LRP1: variants seen among roughly 807,000 people sequenced by gnomAD.
The protein encoded by LRP1 is prolow-density lipoprotein receptor-related protein 1.
In LRP1, 51 loss-of-function variants were observed where a neutral mutation model predicts 541.5. That is an observed-to-expected ratio of 0.09 (90% CI 0.08 to 0.12). The LOEUF (loss-of-function observed/expected upper bound fraction) is 0.12, where lower values mean the gene tolerates loss of function less well. Among genes scored for constraint, LRP1 ranks in the 10% least tolerant of loss-of-function variants. The pLI is 1.00. For synonymous variants in LRP1, 2,219 were observed against 2,470.8 expected, an observed-to-expected ratio of 0.90 and a Z score of 3.02; for missense variants, 3,878 against 6,376.2, an observed-to-expected ratio of 0.61 and a Z score of 13.34.
intron 3 of LRP1, 64 bp from the exon 4 acceptor site, chr12:57,143,615 T>C (rs2035340513): frequency 6.3e-7 from 1 of 1,575,918 alleles, no homozygotes; most frequent in African/African-American, 1.3e-5. Context: ...AGGGGAAGGT[T>C]GTGGCCTGCG....
chr12:57,139,385 C>G (rs892020200), intron 2 of LRP1, among the ~76,000 whole-genome samples: 1 of 152,082 alleles, frequency 6.6e-6, no homozygotes, highest in Non-Finnish European at 1.5e-5. Context: ...CTAGTGGGCT[C>G]TGCCTCACCC....
chr12:57,138,404 TCA>T, intron 1 of LRP1, 53 bp from the exon 2 acceptor site: 2 of 1,599,018 alleles, frequency 1.3e-6, no homozygotes, highest in East Asian at 4.5e-5. Context: ...GACTTTGGGT[TCA>T]CAGAGTTGGC....
In LRP1 at chr12:57,205,201, A is replaced by G. The variant is rs761767384; in HGVS notation, c.11287A>G (p.Met3763Val). Residue 3763 changes from methionine to valine, a missense_variant, in exon 73 of 89, where the codon ATG becomes GTG. Met to Val is a conservative substitution (Grantham distance 21). Transcript: ENST00000243077. The surrounding 1 kb of genome is among the most constrained non-coding windows in gnomAD (Gnocchi z 4.6). The stretch of plus-strand genomic sequence containing the variant: ...CCTCTCCTCCTCCCTGCGCTGCAAC[A>G]TGTTCGATGACTGCGGGGACGGCTC... The part of the protein sequence containing the change: ...RCLSSSLRCN[M>V]FDDCGDGSDE... 6.2e-7 allele frequency: 1 copy of G among 1,613,836 alleles called. No homozygotes were observed. The highest frequency in any genetic ancestry group is 8.5e-7 in the Non-Finnish European group (1 of 1,179,982).
chr12:57,209,958 G>A (rs2036870784), intron 80 of LRP1, 71 bp from the exon 81 acceptor site: 2 of 1,587,264 alleles, frequency 1.3e-6, no homozygotes, highest in Admixed American at 1.7e-5. Context: ...TGGAGAGGGG[G>A]TCACCCTGGG....
chr12:57,140,113 T>C (rs901338719), intron 2 of LRP1, among the ~76,000 whole-genome samples: 1 of 152,138 alleles, frequency 6.6e-6, no homozygotes, highest in Non-Finnish European at 1.5e-5. Context: ...TTTTTTTTTT[T>C]CTTTTTTTGA....
Position 57,201,255 on chromosome 12 carries a change from T to C in LRP1, c.10345+102T>C. 3.3e-6 allele frequency: 5 copies of C among 1,538,144 alleles called. No homozygotes were observed. The highest frequency in any genetic ancestry group is 4.4e-6 in the Non-Finnish European group (5 of 1,124,770). On this transcript the variant is annotated intron_variant, in intron 65 of 88. Coordinates refer to ENST00000243077, the MANE Select transcript of LRP1 (RefSeq NM_002332.3). This position sits in a 1 kb window ranked among gnomAD's most constrained non-coding sequence, Gnocchi z 6.4. ...TTGAGAGGCTCTCAAATAACTTTAG[T>C]AGATGGGCAACACAAATTATATTGG...
Position 57,213,296 on chromosome 12 carries a change from T to G in LRP1, c.*741T>G, listed in dbSNP as rs1264127343. 7.9e-6 allele frequency: 1 copy of G among 126,694 alleles called. No homozygotes were observed. Among genetic ancestry groups the G allele is most frequent in the Non-Finnish European group, 1.6e-5 (1 of 64,478 alleles). 7.8% of individuals were successfully genotyped at this position (126,694 alleles called of 1,614,324 possible). A position where few individuals can be genotyped will look rare whatever the true frequency, so the allele number is the denominator to read the frequency against. The stretch of plus-strand genomic sequence containing the variant: ...AACGTTTTAATAATTTTTGCTGAAT[T>G]CCTTTACAACTAAATAACACAGATA... On this transcript the variant is annotated 3_prime_UTR_variant, in exon 89 of 89. Transcript: ENST00000243077.
At chr12:57,169,639 A>G (rs2035907334) in intron 20 of LRP1, among the ~76,000 whole-genome samples, 1 of 152,240 alleles carries the variant, frequency 6.6e-6, no homozygotes, top group Non-Finnish European at 1.5e-5. Flanking sequence ...AAGTGGGGTA[A>G]TAATAGCACC....
Position 57,166,192 on chromosome 12 carries a change from C to T in LRP1, c.2780C>T (p.Ser927Phe). ...GACTGTGGGAACAGTGAAGATGAGT[C>T]CAATGCCACTTGTTCAGGTGTGGAG... ...DNDCGNSEDE[S>F]NATCSARTCP... Residue 927 changes from serine (S) to phenylalanine (F), a missense_variant, in exon 17 of 89, where the codon TCC becomes TTC. Transcript: ENST00000243077. 6.2e-7 allele frequency: 1 copy of T among 1,611,774 alleles called. No homozygotes were observed. The highest frequency in any genetic ancestry group is 8.5e-7 in the Non-Finnish European group (1 of 1,178,976).
At chr12:57,174,722 G>T (rs2036010065) in intron 22 of LRP1, among the ~76,000 whole-genome samples, 1 of 152,180 alleles carries the variant, frequency 6.6e-6, no homozygotes, top group Non-Finnish European at 1.5e-5. Flanking sequence ...CCAACATCCT[G>T]CCACTGCACT....
At position 57,169,519 on chromosome 12, in the gene LRP1, C is replaced by T. The variant is rs34127681; in HGVS notation, c.3163+212C>T. 3.9e-3 allele frequency among the ~76,000 whole-genome samples: 594 copies of T among 152,316 alleles called. 2 individuals are homozygous for T. Among genetic ancestry groups the T allele is most frequent in the African/African-American group, 0.014 (565 of 41,556 alleles). On this transcript the variant is annotated intron_variant, in intron 20 of 88. Coordinates refer to ENST00000243077, the MANE Select transcript of LRP1 (RefSeq NM_002332.3). Reference sequence around the variant, plus strand: ...ATTGCCACACGCTGTTAATATCATGCGCTTTGCAGTTGGTGGCCTTGGGTT... The same window carrying T: ...ATTGCCACACGCTGTTAATATCATGTGCTTTGCAGTTGGTGGCCTTGGGTT...
chr12:57,206,780 C>T lies in LRP1; in HGVS notation c.11859+39C>T, dbSNP rs754848274. 3 of 1,598,978 alleles carry T rather than the reference C, an allele frequency of 1.9e-6. No individual in the cohort carries two copies. The African/African-American group carries it at 4.0e-5, about 21-fold the overall frequency. ...CTGGCGTGGATGGAGTGGAAGAGCT[C>T]CATAGAGCAGGCGGTTCAGAGCAGG... On this transcript the variant is annotated intron_variant, in intron 76 of 88. Transcript: ENST00000243077. This position sits in a 1 kb window ranked among gnomAD's most constrained non-coding sequence, Gnocchi z 4.7.
intron 82 of LRP1, 28 bp downstream of exon 82, chr12:57,210,508 C>T (rs1435691434): frequency 1.3e-6 from 2 of 1,517,950 alleles, no homozygotes; most frequent in Admixed American, 2.1e-5. Flanking sequence ...GCCACGCCTG[C>T]TCCTTGCCCC....
rs771640186 is a variant in LRP1 at position 57,183,887 on chromosome 12, C to T, written c.5907C>T (p.Gly1969=). The change falls in exon 36 of 89, where the codon GGC becomes GGT. Residue 1969 remains glycine (G), a synonymous_variant. Transcript: ENST00000243077. The surrounding 1 kb of genome is among the most constrained non-coding windows in gnomAD (Gnocchi z 6.1). ...CCAATGGCATTGGCCGTGTGGAGGG[C>T]ATTGCAGTGGACTGGATCGCAGGTG... ...VVTNGIGRVE[G]IAVDWIAGNI... 6.2e-7 allele frequency: 1 copy of T among 1,614,122 alleles called. No individual in the cohort carries two copies. The highest frequency in any genetic ancestry group is 2.2e-5 in the East Asian group (1 of 44,878).
intron 81 of LRP1, 63 bp from the exon 82 acceptor site, chr12:57,210,244 C>A: frequency 1.3e-6 from 2 of 1,549,184 alleles, no homozygotes; most frequent in African/African-American, 2.7e-5. Flanking sequence ...TTCCCCTGAC[C>A]TTGTTGCCTG....
chr12:57,167,880 A>G (rs1461373134), intron 19 of LRP1, among the ~76,000 whole-genome samples: 1 of 152,212 alleles, frequency 6.6e-6, no homozygotes, highest in Non-Finnish European at 1.5e-5. Flanking sequence ...CATTTCCTGG[A>G]GTCCTTGGTG....
In LRP1 at chr12:57,179,110, AGTCCCAGTCGGGAGG is replaced by A; in HGVS notation, c.4738+95_4738+109del. 1 of 1,526,728 alleles carries A rather than the reference AGTCCCAGTCGGGAGG, an allele frequency of 6.5e-7. No homozygotes were observed. Among genetic ancestry groups the A allele is most frequent in the Non-Finnish European group, 8.8e-7 (1 of 1,135,644 alleles). The allele number at this position is 1,526,728 out of a possible 1,614,324, so 94.6% of individuals were successfully genotyped here. Reference sequence around the variant, plus strand: ...GGATCCCGGTTGTCAGCTAAGGCAGAGTCCCAGTCGGGAGGGTCCCGATAGGAGAGGCTCCAGAGA... The same window carrying A: ...GGATCCCGGTTGTCAGCTAAGGCAGAGTCCCGATAGGAGAGGCTCCAGAGA... On this transcript the variant is annotated intron_variant, in intron 28 of 88. Coordinates refer to ENST00000243077, the MANE Select transcript of LRP1 (RefSeq NM_002332.3). The surrounding 1 kb of genome is among the most constrained non-coding windows in gnomAD (Gnocchi z 6.8).
Position 57,206,259 on chromosome 12 carries a change from C to T in LRP1, c.11591-214C>T, listed in dbSNP as rs376427798. 5.9e-5 allele frequency among the ~76,000 whole-genome samples: 9 copies of T among 152,168 alleles called. No homozygotes were observed. The highest frequency in any genetic ancestry group is 5.8e-4 in the East Asian group (3 of 5,196). On this transcript the variant is annotated intron_variant, in intron 75 of 88. Transcript: ENST00000243077. This position sits in a 1 kb window ranked among gnomAD's most constrained non-coding sequence, Gnocchi z 4.7. ...GGGACAGCTTTCTGACTGAAAGGAG[C>T]GGGTCACAGTGGATCAGCTCAGGGG...
chr12:57,141,942 G>A (rs368670605), intron 3 of LRP1, among the ~76,000 whole-genome samples: 155 of 152,274 alleles, frequency 1.0e-3, no homozygotes, highest in Middle Eastern at 3.4e-3. Flanking sequence ...TCCACCTGCC[G>A]CCCCTACGGG....
Sources: gnomAD v4.1 joint callset for allele counts (sites outside exome capture counted in the v4.1 genomes callset) on GRCh38, gnomAD v4.1.1 for gene constraint, Gnocchi (gnomAD v3.1) non-coding constraint, MANE v1.5 for transcripts, NCBI Gene and HGNC (gene_info 2026-07-23, HGNC 2026-07-21) for gene names.